The following GRIP1 variants were observed in gnomAD, a reference collection of about 807,000 sequenced individuals.
GRIP1 encodes glutamate receptor-interacting protein 1.
Under a neutral mutation model 129.9 loss-of-function variants are expected in GRIP1, and 45 were observed. The ratio of observed to expected loss-of-function variants is 0.35; its 90% confidence interval spans 0.27 to 0.44. GRIP1 has a LOEUF of 0.44. Ranked by LOEUF, GRIP1 falls within the 20% of genes least tolerant of loss-of-function variation. GRIP1 has a pLI of 1.00. For synonymous variants in GRIP1, 530 were observed against 520.8 expected, an observed-to-expected ratio of 1.02 and a Z score of -0.24; for missense variants, 1,196 against 1,396.8, an observed-to-expected ratio of 0.86 and a Z score of 2.29.
At chr12:67,024,057 T>G (rs2042905732) in intron 1 of GRIP1, among the ~76,000 whole-genome samples, 2 of 152,148 alleles carry the variant, frequency 1.3e-5, no homozygotes, top group African/African-American at 4.8e-5. Context: ...AATTCTCAGG[T>G]CCCTGCAGCA....
intron 5 of GRIP1, among the ~76,000 whole-genome samples, chr12:66,521,528 C>G (rs115139697): frequency 0.023 from 3,475 of 151,894 alleles, 125 homozygotes; most frequent in African/African-American, 0.08. Flanking sequence ...CTGGTGGAGC[C>G]AAGTGGCCAA....
chr12:66,531,300 TATAC>T (rs1175794370), intron 4 of GRIP1, among the ~76,000 whole-genome samples: 3 of 69,576 alleles, frequency 4.3e-5, no homozygotes, highest in Non-Finnish European at 5.3e-5. Context: ...TATATATATA[TATAC>T]ACACACACAC....
chr12:66,821,407 C>T (rs1241890816), intron 1 of GRIP1, among the ~76,000 whole-genome samples: 1 of 152,098 alleles, frequency 6.6e-6, no homozygotes, highest in Non-Finnish European at 1.5e-5. Context: ...CTTTATGTTA[C>T]CATGAGTACT....
chr12:66,598,723 C>T (rs2064155899), intron 1 of GRIP1, among the ~76,000 whole-genome samples: 1 of 152,102 alleles, frequency 6.6e-6, no homozygotes, highest in South Asian at 2.1e-4. Flanking sequence ...TTTCATTGTC[C>T]AAAACCTTGA....
At position 66,581,840 on chromosome 12, in the gene GRIP1, G is replaced by A. The variant is rs2063396956; in HGVS notation, c.136+15007C>T. On this transcript the variant is annotated intron_variant, in intron 2 of 24. Coordinates refer to ENST00000359742, the MANE Select transcript of GRIP1 (RefSeq NM_001366722.1). The stretch of plus-strand genomic sequence containing the variant: ...CTACCAGAGGTACAAGGAGGAACTG[G>A]TACTATTCCTTCTGAAAGTATTCCA... 1.3e-5 allele frequency among the ~76,000 whole-genome samples: 2 copies of A among 152,130 alleles called. 1 individual carries two copies. The highest frequency in any genetic ancestry group is 2.9e-5 in the Non-Finnish European group (2 of 68,022).
chr12:66,432,943 A>G (rs2058193871), intron 13 of GRIP1, among the ~76,000 whole-genome samples: 1 of 152,328 alleles, frequency 6.6e-6, no homozygotes, highest in East Asian at 1.9e-4. Context: ...ATTCCAATCT[A>G]TGAATCAGAA....
chr12:66,573,623 C>T (rs1372865574), intron 2 of GRIP1, among the ~76,000 whole-genome samples: 1 of 152,146 alleles, frequency 6.6e-6, no homozygotes, highest in Non-Finnish European at 1.5e-5. Flanking sequence ...CCAGAGCCTG[C>T]GTTCCTAACC....
Position 66,968,720 on chromosome 12 carries a change from G to A in GRIP1, c.58+100330C>T, listed in dbSNP as rs149837639. Among the ~76,000 whole-genome samples, 180 of 152,128 alleles carry A rather than the reference G, an allele frequency of 1.2e-3. 3 individuals are homozygous for A. The East Asian group carries it at 0.03, about 26-fold the overall frequency. ...ATATGCTATAATTATCTAATACACC[G>A]TTACAATTATTAGTTTAAACAAAGT... On this transcript the variant is annotated intron_variant, in intron 1 of 1. Transcript: ENST00000643019.
intron 1 of GRIP1, among the ~76,000 whole-genome samples, chr12:66,712,768 G>A (rs1219220995): frequency 6.6e-6 from 1 of 151,920 alleles, no homozygotes; most frequent in Non-Finnish European, 1.5e-5. Context: ...AAACTGTTAG[G>A]ATTAAATGAG....
At chr12:66,707,551 T>C (rs2035576287) in intron 1 of GRIP1, among the ~76,000 whole-genome samples, 1 of 148,732 alleles carries the variant, frequency 6.7e-6, no homozygotes, top group South Asian at 2.1e-4. Flanking sequence ...TGTGCTGGGC[T>C]ATTTAGAGAC....
chr12:66,477,926 T>C (rs1191475115), intron 7 of GRIP1, among the ~76,000 whole-genome samples: 2 of 151,940 alleles, frequency 1.3e-5, no homozygotes, highest in African/African-American at 2.4e-5. Flanking sequence ...ATAAAAACCC[T>C]AGAAGAAAAC....
chr12:66,431,943 T>C (rs2058159668), intron 14 of GRIP1, among the ~76,000 whole-genome samples: 1 of 152,158 alleles, frequency 6.6e-6, no homozygotes, highest in Non-Finnish European at 1.5e-5. Flanking sequence ...TATGGAGGAA[T>C]TCAAGGATTT....
chr12:66,392,924 G>T, intron 17 of GRIP1, 108 bp from the exon 18 acceptor site: 1 of 1,092,382 alleles, frequency 9.2e-7, no homozygotes, highest in Non-Finnish European at 1.4e-6. Flanking sequence ...ACTTGGTAAG[G>T]ATCTCCAGAA....
At chr12:66,521,670 A>G (rs1379411245) in intron 5 of GRIP1, among the ~76,000 whole-genome samples, 1 of 152,198 alleles carries the variant, frequency 6.6e-6, no homozygotes, top group Non-Finnish European at 1.5e-5. Context: ...CAGTGGGTGC[A>G]GCGCACCGGG....
At chr12:66,645,233 A>G (rs1333950093) in intron 1 of GRIP1, among the ~76,000 whole-genome samples, 1 of 152,192 alleles carries the variant, frequency 6.6e-6, no homozygotes, top group Non-Finnish European at 1.5e-5. Flanking sequence ...CAATCTCCTT[A>G]TCTTATTGAT....
At chr12:66,831,396 G>A (rs552920551) in intron 1 of GRIP1, among the ~76,000 whole-genome samples, 16 of 152,096 alleles carry the variant, frequency 1.1e-4, no homozygotes, top group Non-Finnish European at 1.5e-4. Context: ...CTTCTCTCAA[G>A]AATGACAAGA....
At chr12:66,399,499 A>G (rs774047741) in intron 16 of GRIP1, among the ~76,000 whole-genome samples, 80 of 152,120 alleles carry the variant, frequency 5.3e-4, no homozygotes, top group Non-Finnish European at 7.9e-4. Context: ...GAGCCTAAGC[A>G]GATGTTAATG....
At chr12:66,450,547 T>TA (rs35514475) in intron 11 of GRIP1, among the ~76,000 whole-genome samples, 34,241 of 151,064 alleles carry the variant, frequency 0.23, 4,439 homozygotes, top group Middle Eastern at 0.42. Flanking sequence ...GTTGAGATGA[T>TA]AAAAATTATT....
chr12:67,007,554 C>T (rs1049221356), intron 1 of GRIP1, among the ~76,000 whole-genome samples: 1 of 152,052 alleles, frequency 6.6e-6, no homozygotes, highest in Non-Finnish European at 1.5e-5. Context: ...AATATGATGT[C>T]GGTGTTGAGA....
Sources: gnomAD v4.1 joint callset for allele counts (sites outside exome capture counted in the v4.1 genomes callset) on GRCh38, gnomAD v4.1.1 for gene constraint, MANE v1.5 for transcripts, NCBI Gene and HGNC (gene_info 2026-07-23, HGNC 2026-07-21) for gene names.